SOX6: variants seen among roughly 807,000 people sequenced by gnomAD.
SOX6 encodes the protein transcription factor SOX-6.
Under a neutral mutation model 97.8 loss-of-function variants are expected in SOX6, and 11 were observed. That is an observed-to-expected ratio of 0.11 (90% confidence interval 0.07 to 0.19). The LOEUF is 0.19. SOX6 is among the 10% of genes least tolerant of loss of function. The pLI, the probability that SOX6 is intolerant of heterozygous loss-of-function variation, is 1.00. For missense variants in SOX6, 810 were observed against 1,039.5 expected (o/e 0.78, Z 3.04); for synonymous variants, 360 against 371.4 (o/e 0.97, Z 0.35).
intron 13 of SOX6, among the ~76,000 whole-genome samples, chr11:16,004,010 T>C (rs1408256196): frequency 2.0e-5 from 3 of 151,446 alleles, no homozygotes; most frequent in African/African-American, 7.3e-5. Context: ...TAAATATATA[T>C]ATAATACATA....
intron 6 of SOX6, among the ~76,000 whole-genome samples, chr11:16,139,797 T>C (rs1481417521): frequency 1.3e-5 from 2 of 151,930 alleles, no homozygotes; most frequent in African/African-American, 2.4e-5. Flanking sequence ...CACACATTTA[T>C]ACTTCTCTCT....
At chr11:16,092,099 C>T (rs1233568607) in intron 9 of SOX6, among the ~76,000 whole-genome samples, 1 of 151,896 alleles carries the variant, frequency 6.6e-6, no homozygotes, top group African/African-American at 2.4e-5. Flanking sequence ...TCAGGGCTGA[C>T]CCAAACATCT....
At chr11:16,123,700 A>C (rs940522647) in intron 6 of SOX6, among the ~76,000 whole-genome samples, 2 of 152,002 alleles carry the variant, frequency 1.3e-5, no homozygotes, top group Non-Finnish European at 2.9e-5. Context: ...ATACTCCTAC[A>C]CCTGCTATCT....
chr11:15,984,600 C>T (rs1208047904), intron 15 of SOX6, among the ~76,000 whole-genome samples: 1 of 152,134 alleles, frequency 6.6e-6, no homozygotes, highest in Non-Finnish European at 1.5e-5. Context: ...CCAATTATAC[C>T]ACATTGCCCT....
chr11:16,471,480 C>T (rs10832613), intron 1 of SOX6, among the ~76,000 whole-genome samples: 33,345 of 152,012 alleles, frequency 0.22, 4,162 homozygotes, highest in East Asian at 0.51. Context: ...TACTAAGAAA[C>T]CTTCCCATGG....
At chr11:16,449,076 C>T (rs765088689) in intron 1 of SOX6, among the ~76,000 whole-genome samples, 18 of 151,940 alleles carry the variant, frequency 1.2e-4, no homozygotes, top group Non-Finnish European at 1.8e-4. Context: ...CAAAACTATT[C>T]TGGTATTAGA....
chr11:16,738,010 G>A (rs1848407164), intron 1 of SOX6, among the ~76,000 whole-genome samples: 1 of 151,942 alleles, frequency 6.6e-6, no homozygotes, highest in South Asian at 2.1e-4. Flanking sequence ...TCAGTGAGGA[G>A]CACTCCCACC....
At chr11:16,254,598 G>A (rs796436290) in intron 3 of SOX6, among the ~76,000 whole-genome samples, 4 of 151,578 alleles carry the variant, frequency 2.6e-5, no homozygotes. Context: ...GTAAACTCTA[G>A]GCCAACCACT....
In SOX6 at chr11:16,720,459, C is replaced by T. The variant is rs1227730645; in HGVS notation, n.354-5554G>A. Among the ~76,000 whole-genome samples, 5 of 135,172 alleles carry T rather than the reference C, an allele frequency of 3.7e-5. No homozygotes were observed. In the East Asian group the frequency reaches 6.7e-4, roughly 18 times the overall value. The allele number at this position is 135,172 out of a possible 152,430, so 88.7% of individuals were successfully genotyped here. A position where few individuals can be genotyped will look rare whatever the true frequency, so the allele number is the denominator to read the frequency against. On this transcript the variant is annotated intron_variant and non_coding_transcript_variant, in intron 2 of 5. Coordinates refer to the SOX6 transcript ENST00000524520. ...ATCACAAGGACAAAAAACCAAACAC[C>T]GCATGTTCTCACTCATAGATGGGAA...
intron 6 of SOX6, among the ~76,000 whole-genome samples, chr11:16,124,813 G>A (rs1849570286): frequency 6.6e-6 from 1 of 151,984 alleles, no homozygotes; most frequent in Non-Finnish European, 1.5e-5. Flanking sequence ...GATCACTCTG[G>A]TTGCCATGAG....
At chr11:16,188,682 T>G (rs374381439) in intron 4 of SOX6, among the ~76,000 whole-genome samples, 15 of 152,230 alleles carry the variant, frequency 9.9e-5, no homozygotes, top group Non-Finnish European at 1.5e-5. Context: ...ATTGCCACTA[T>G]GTATCAGGTA....
intron 3 of SOX6, among the ~76,000 whole-genome samples, chr11:16,690,641 C>T (rs919411503): frequency 5.3e-5 from 8 of 152,100 alleles, no homozygotes; most frequent in African/African-American, 1.9e-4. Context: ...GACTTAATTC[C>T]TTGGCTTTTC....
At chr11:16,132,444 A>AGAAAAAAGAAAGAAAGAAAGAAAGAAAG (rs1554934020) in intron 6 of SOX6, among the ~76,000 whole-genome samples, 1 of 27,230 alleles carries the variant, frequency 3.7e-5, no homozygotes, top group East Asian at 1.5e-3. Flanking sequence ...AAAGAAAGAA[A>AGAAAAAAGAAAGAAAGAAAGAAAGAAAG]AAAGAAAGAA....
chr11:16,235,288 A>G (rs1852982147), intron 3 of SOX6, among the ~76,000 whole-genome samples: 1 of 152,084 alleles, frequency 6.6e-6, no homozygotes, highest in Admixed American at 6.6e-5. Flanking sequence ...ATACCTATAT[A>G]AATGCCATTT....
At chr11:16,288,520 G>A (rs758245359) in intron 3 of SOX6, among the ~76,000 whole-genome samples, 3 of 151,952 alleles carry the variant, frequency 2.0e-5, no homozygotes, top group Non-Finnish European at 4.4e-5. Context: ...TCTAAAGCTA[G>A]AATTTTCTTC....
At chr11:16,093,608 G>A (rs1025995515) in intron 9 of SOX6, among the ~76,000 whole-genome samples, 1 of 151,710 alleles carries the variant, frequency 6.6e-6, no homozygotes, top group Non-Finnish European at 1.5e-5. Flanking sequence ...GTGGGGTGGG[G>A]GAGTATATGT....
chr11:16,449,112 C>T (rs1168685491), intron 1 of SOX6, among the ~76,000 whole-genome samples: 6 of 151,870 alleles, frequency 4.0e-5, no homozygotes, highest in African/African-American at 1.5e-4. Flanking sequence ...ACCTGTACTA[C>T]CATTTAAAAA....
intron 3 of SOX6, among the ~76,000 whole-genome samples, chr11:16,634,120 TAAAAGAAAA>T (rs1255889777): frequency 1.3e-5 from 2 of 151,270 alleles, no homozygotes; most frequent in African/African-American, 2.4e-5. Context: ...CTTAATGAAA[TAAAAGAAAA>T]TATGTTCATA....
At chr11:16,038,527 G>T (rs560378970) in intron 12 of SOX6, among the ~76,000 whole-genome samples, 9 of 151,984 alleles carry the variant, frequency 5.9e-5, no homozygotes, top group Admixed American at 4.6e-4. Flanking sequence ...TGCCCAATTT[G>T]TACAGAAGAT....
Sources: allele counts gnomAD v4.1 joint callset (sites outside exome capture counted in the v4.1 genomes callset), GRCh38; gene constraint gnomAD v4.1.1; transcripts MANE v1.5; gene names NCBI Gene and HGNC (gene_info 2026-07-23, HGNC 2026-07-21).